Variants in MYO16 observed in about 807,000 individuals in gnomAD.
The protein encoded by MYO16 is myosin XVI, also known as unconventional myosin-XVI.
In MYO16, 94 loss-of-function variants were observed where a neutral mutation model predicts 205.3. The observed-to-expected ratio is 0.46, with a 90% confidence interval of 0.39 to 0.54. The LOEUF is 0.54. MYO16 is among the 20% of genes least tolerant of loss of function. MYO16 has a pLI of 0.00. For synonymous variants in MYO16, 988 were observed against 954.0 expected, an observed-to-expected ratio of 1.04 and a Z score of -0.66; for missense variants, 2,315 against 2,387.5, an observed-to-expected ratio of 0.97 and a Z score of 0.63.
At chr13:108,734,034 T>C (rs1884610576) in intron 4 of MYO16, among the ~76,000 whole-genome samples, 1 of 152,228 alleles carries the variant, frequency 6.6e-6, no homozygotes, top group Non-Finnish European at 1.5e-5. Context: ...TATAGAGTCA[T>C]TATGAACACA....
chr13:109,011,360 G>A (rs1165516858), intron 22 of MYO16, among the ~76,000 whole-genome samples: 3 of 152,150 alleles, frequency 2.0e-5, no homozygotes, highest in Non-Finnish European at 4.4e-5. Context: ...CCCACCAGGG[G>A]TGTGCGTGTC....
chr13:108,667,384 A>G (rs1329280783), intron 2 of MYO16, among the ~76,000 whole-genome samples: 2 of 147,136 alleles, frequency 1.4e-5, no homozygotes, highest in South Asian at 2.2e-4. Context: ...GCTGGAAAGT[A>G]CCTAAAAACA....
chr13:108,536,763 A>G, the MYO16 span, among the ~76,000 whole-genome samples: 1 of 152,162 alleles, frequency 6.6e-6, no homozygotes. Context: ...AGATATGTCT[A>G]TACAATAAGA....
At chr13:109,097,227 G>A (rs1346862145) in intron 27 of MYO16, among the ~76,000 whole-genome samples, 3 of 152,164 alleles carry the variant, frequency 2.0e-5, no homozygotes, top group African/African-American at 7.2e-5. Context: ...TACTCAGGAG[G>A]CTGAGGCAGG....
rs1883656151 is a variant in MYO16 at position 108,709,927 on chromosome 13, TG to T, written c.293-2733del. 2.2e-5 allele frequency among the ~76,000 whole-genome samples: 3 copies of T among 134,530 alleles called. 1 individual carries two copies. In the Admixed American group the frequency reaches 2.3e-4, roughly 10 times the overall value. The allele number at this position is 134,530 out of a possible 152,430, so 88.3% of individuals were successfully genotyped here. A position where few individuals can be genotyped will look rare whatever the true frequency, so the allele number is the denominator to read the frequency against. On this transcript the variant is annotated intron_variant, in intron 2 of 34. Transcript: ENST00000457511. ...ATGCAAACAGCCCTCTCAAAAAAAC[TG>T]TCCTATCTAGGACAAACAAAACTCA...
At chr13:109,078,639 T>C (rs1333616361) in intron 27 of MYO16, among the ~76,000 whole-genome samples, 3 of 152,144 alleles carry the variant, frequency 2.0e-5, no homozygotes, top group African/African-American at 4.8e-5. Flanking sequence ...GTGATGTACA[T>C]TTTTATACTT....
At chr13:109,045,193 T>C (rs1006610628) in intron 23 of MYO16, among the ~76,000 whole-genome samples, 1 of 152,190 alleles carries the variant, frequency 6.6e-6, no homozygotes, top group Admixed American at 6.5e-5. Flanking sequence ...GCCAAGCCTC[T>C]AGATGGAGGT....
chr13:109,056,518 G>A (rs545071179), intron 27 of MYO16, among the ~76,000 whole-genome samples: 1 of 152,072 alleles, frequency 6.6e-6, no homozygotes, highest in African/African-American at 2.4e-5. Context: ...ACTATTCCAG[G>A]CCTCATCTTT....
intron 23 of MYO16, among the ~76,000 whole-genome samples, chr13:109,022,209 T>A (rs1278401246): frequency 7.2e-6 from 1 of 138,670 alleles, no homozygotes; most frequent in Non-Finnish European, 1.5e-5. Flanking sequence ...GTATTTATAA[T>A]TTTTATATTT....
intron 2 of MYO16, among the ~76,000 whole-genome samples, chr13:108,693,234 C>T (rs746506198): frequency 9.2e-5 from 14 of 152,098 alleles, no homozygotes; most frequent in Admixed American, 5.9e-4. Context: ...GTAAAAGACA[C>T]CTAACATAAA....
At chr13:108,678,421 C>T (rs913312098) in intron 2 of MYO16, among the ~76,000 whole-genome samples, 2 of 152,016 alleles carry the variant, frequency 1.3e-5, no homozygotes, top group African/African-American at 2.4e-5. Flanking sequence ...ACCAAACCAC[C>T]TCCCCTTCAT....
chr13:109,150,258 C>A (rs539964336), intron 32 of MYO16, among the ~76,000 whole-genome samples: 3 of 152,226 alleles, frequency 2.0e-5, no homozygotes, highest in East Asian at 1.9e-4. Context: ...ATTATGTGTA[C>A]GTAGAAACCG....
intron 1 of MYO16, among the ~76,000 whole-genome samples, chr13:108,658,941 TCA>T (rs1029144766): frequency 1.3e-5 from 2 of 152,122 alleles, no homozygotes; most frequent in African/African-American, 4.8e-5. Context: ...TCTTTAGCAA[TCA>T]CAGAGAGATT....
At chr13:108,886,826 C>T (rs1018211281) in intron 13 of MYO16, among the ~76,000 whole-genome samples, 2 of 152,092 alleles carry the variant, frequency 1.3e-5, no homozygotes, top group African/African-American at 4.8e-5. Flanking sequence ...TGGAGAACTC[C>T]TTTCGGTATC....
At chr13:108,701,452 C>T (rs766578576) in intron 2 of MYO16, among the ~76,000 whole-genome samples, 3 of 151,972 alleles carry the variant, frequency 2.0e-5, no homozygotes, top group Non-Finnish European at 2.9e-5. Context: ...TCCCTTTTGC[C>T]CTCCCCTTCT....
chr13:108,554,921 T>G, the MYO16 span, among the ~76,000 whole-genome samples: 1 of 148,154 alleles, frequency 6.7e-6, no homozygotes, highest in Non-Finnish European at 1.5e-5. Flanking sequence ...TGGTCTTCCA[T>G]AAACTTGGAA....
intron 1 of MYO16, among the ~76,000 whole-genome samples, chr13:108,618,012 C>T (rs1879410176): frequency 6.6e-6 from 1 of 152,180 alleles, no homozygotes; most frequent in African/African-American, 2.4e-5. Context: ...TCCTGCCAGT[C>T]TTCAAGCTAT....
rs771845604 is a variant in MYO16 at position 109,052,282 on chromosome 13, CATTT to C, written c.2873-9_2873-6del. 2.4e-5 allele frequency: 39 copies of C among 1,603,534 alleles called. No homozygotes were observed. The highest frequency in any genetic ancestry group is 3.2e-5 in the Non-Finnish European group (37 of 1,171,484). On this transcript the variant is annotated splice_polypyrimidine_tract_variant and intron_variant, in intron 24 of 34. Coordinates refer to ENST00000457511, the MANE Select transcript of MYO16 (RefSeq NM_001198950.3). ...TAATTTTAGTGCCACTTACGATATTCATTTATTTATTTCCTAGCTAGTGAAAATG... is the reference window on the plus strand; with the variant it reads ...TAATTTTAGTGCCACTTACGATATTCATTTATTTCCTAGCTAGTGAAAATG...
At position 109,011,954 on chromosome 13, in the gene MYO16, A is replaced by G. The variant is rs921931591; in HGVS notation, c.2595+2905A>G. 3.3e-5 allele frequency among the ~76,000 whole-genome samples: 5 copies of G among 152,190 alleles called. 1 individual carries two copies. The highest frequency in any genetic ancestry group is 7.4e-5 in the Non-Finnish European group (5 of 68,026). ...GGTATGGTTTGGTAACCTCAGGTCA[A>G]AATACAAACTGAATTCACAATAGGG... On this transcript the variant is annotated intron_variant, in intron 22 of 34. Transcript: ENST00000457511.
Sources: allele counts gnomAD v4.1 joint callset (sites outside exome capture counted in the v4.1 genomes callset), GRCh38; gene constraint gnomAD v4.1.1; transcripts MANE v1.5; gene names NCBI Gene and HGNC (gene_info 2026-07-23, HGNC 2026-07-21).